The following DOCK3 variants were observed in gnomAD, a reference collection of about 807,000 sequenced individuals.
DOCK3 encodes the protein dedicator of cytokinesis protein 3.
Under a neutral mutation model 265.6 loss-of-function variants are expected in DOCK3, and 60 were observed. The ratio of observed to expected loss-of-function variants is 0.23; its 90% confidence interval spans 0.18 to 0.28. DOCK3 has a LOEUF of 0.28. Among genes scored for constraint, DOCK3 ranks in the 10% least tolerant of loss-of-function variants. The pLI, the probability that DOCK3 is intolerant of heterozygous loss-of-function variation, is 1.00. For synonymous variants in DOCK3, 881 were observed against 938.0 expected, an observed-to-expected ratio of 0.94 and a Z score of 1.11; for missense variants, 1,981 against 2,594.3, an observed-to-expected ratio of 0.76 and a Z score of 5.14.
At chr3:51,303,484 A>G (rs1200576020) in intron 27 of DOCK3, among the ~76,000 whole-genome samples, 1 of 152,178 alleles carries the variant, frequency 6.6e-6, no homozygotes, top group African/African-American at 2.4e-5. Flanking sequence ...TTGGAGGAGA[A>G]GAGACATTCT....
chr3:50,846,675 A>G (rs766278748), intron 3 of DOCK3, among the ~76,000 whole-genome samples: 2 of 152,080 alleles, frequency 1.3e-5, no homozygotes, highest in Non-Finnish European at 1.5e-5. Context: ...TACTGATTCA[A>G]TTTTTGAACT....
At chr3:50,684,978 C>T (rs2034679334) in intron 1 of DOCK3, among the ~76,000 whole-genome samples, 1 of 151,792 alleles carries the variant, frequency 6.6e-6, no homozygotes. Flanking sequence ...GTCTTATTTT[C>T]ATTACCCAGA....
At chr3:51,151,198 T>C (rs2085570634) in intron 10 of DOCK3, among the ~76,000 whole-genome samples, 1 of 152,152 alleles carries the variant, frequency 6.6e-6, no homozygotes, top group South Asian at 2.1e-4. Context: ...TTTGAGCCTA[T>C]GTATGTCTCT....
At chr3:51,132,806 G>A (rs2084615879) in intron 9 of DOCK3, among the ~76,000 whole-genome samples, 1 of 152,144 alleles carries the variant, frequency 6.6e-6, no homozygotes, top group Non-Finnish European at 1.5e-5. Flanking sequence ...GGGACATGGG[G>A]GAGGACCCTG....
intron 27 of DOCK3, among the ~76,000 whole-genome samples, chr3:51,287,829 A>G (rs1360378864): frequency 1.3e-5 from 2 of 152,222 alleles, no homozygotes; most frequent in Non-Finnish European, 2.9e-5. Flanking sequence ...AGACACATGC[A>G]CATGTATGTG....
In DOCK3 at chr3:50,797,708, A is replaced by G. The variant is rs548731563; in HGVS notation, c.121+18950A>G. Among the ~76,000 whole-genome samples, 14 of 152,304 alleles carry G rather than the reference A, an allele frequency of 9.2e-5. No homozygotes were observed. The South Asian group carries it at 2.7e-3, about 29-fold the overall frequency. Reference sequence around the variant, plus strand: ...TTGTTACTTTTGTCTTTTTGATGATAGCCATTTTAACTGGGGGTGAGATGA... The same window carrying G: ...TTGTTACTTTTGTCTTTTTGATGATGGCCATTTTAACTGGGGGTGAGATGA... On this transcript the variant is annotated intron_variant, in intron 2 of 52. Transcript: ENST00000266037.
At chr3:51,097,506 G>A (rs1040930532) in intron 9 of DOCK3, among the ~76,000 whole-genome samples, 10 of 152,172 alleles carry the variant, frequency 6.6e-5, no homozygotes, top group East Asian at 1.9e-4. Context: ...TGCTGGTAGC[G>A]AGAATTTCAA....
At chr3:50,817,976 G>T (rs1312183919) in intron 2 of DOCK3, among the ~76,000 whole-genome samples, 1 of 152,136 alleles carries the variant, frequency 6.6e-6, no homozygotes, top group African/African-American at 2.4e-5. Flanking sequence ...TAATCCTTCA[G>T]TATTATGCAT....
chr3:51,109,140 A>G (rs1168824022), intron 9 of DOCK3, among the ~76,000 whole-genome samples: 1 of 152,206 alleles, frequency 6.6e-6, no homozygotes, highest in Admixed American at 6.5e-5. Flanking sequence ...AACAATCATC[A>G]GCAAATACAA....
intron 5 of DOCK3, among the ~76,000 whole-genome samples, chr3:51,042,667 A>G (rs539435110): frequency 6.6e-6 from 1 of 152,334 alleles, no homozygotes; most frequent in South Asian, 2.1e-4. Flanking sequence ...CTGTTTGCAG[A>G]TGACATGATT....
chr3:51,245,192 G>C (rs1380149150), intron 21 of DOCK3, among the ~76,000 whole-genome samples: 1 of 151,942 alleles, frequency 6.6e-6, no homozygotes, highest in Non-Finnish European at 1.5e-5. Context: ...AGCCATGCAT[G>C]GTGCTGCATC....
chr3:50,795,055 T>C (rs758041274), intron 2 of DOCK3, among the ~76,000 whole-genome samples: 51 of 152,288 alleles, frequency 3.3e-4, no homozygotes, highest in Non-Finnish European at 6.3e-4. Context: ...ATATGGAATA[T>C]TGGCCCCCAA....
At chr3:50,717,766 G>A (rs2037214364) in intron 1 of DOCK3, among the ~76,000 whole-genome samples, 1 of 152,060 alleles carries the variant, frequency 6.6e-6, no homozygotes, top group Admixed American at 6.5e-5. Context: ...GGGATTACAG[G>A]CATGCGCCAC....
intron 3 of DOCK3, among the ~76,000 whole-genome samples, chr3:50,868,927 G>T (rs867083613): frequency 0.055 from 1,053 of 19,270 alleles, 12 homozygotes; most frequent in Non-Finnish European, 0.068. Flanking sequence ...TTTTTTTTTT[G>T]GTCTGACTAA....
intron 3 of DOCK3, among the ~76,000 whole-genome samples, chr3:50,887,723 T>C (rs1242577963): frequency 6.2e-5 from 8 of 129,764 alleles, no homozygotes; most frequent in Non-Finnish European, 9.6e-5. Flanking sequence ...CACAAATCAA[T>C]AAACATAATC....
intron 3 of DOCK3, among the ~76,000 whole-genome samples, chr3:50,858,615 CA>C (rs2046744225): frequency 6.6e-6 from 1 of 151,944 alleles, no homozygotes; most frequent in Non-Finnish European, 1.5e-5. Flanking sequence ...GAAAATCTGA[CA>C]GTTATGTGTC....
chr3:50,873,373 C>G (rs1166066731), intron 3 of DOCK3, among the ~76,000 whole-genome samples: 1 of 152,130 alleles, frequency 6.6e-6, no homozygotes, highest in Non-Finnish European at 1.5e-5. Context: ...GACCTCACGA[C>G]TCTGAGCAGT....
At chr3:51,293,899 A>T (rs1363144949) in intron 27 of DOCK3, among the ~76,000 whole-genome samples, 10 of 152,356 alleles carry the variant, frequency 6.6e-5, no homozygotes. Flanking sequence ...CCACAGTGAG[A>T]TATCACGTCA....
At chr3:50,900,868 C>T in intron 4 of DOCK3, 1 of 420,690 alleles carries the variant, frequency 2.4e-6, no homozygotes, top group Non-Finnish European at 4.7e-6. Flanking sequence ...GAGGGGCACC[C>T]ACCAGATGCC....
Sources: allele counts gnomAD v4.1 joint callset (sites outside exome capture counted in the v4.1 genomes callset), GRCh38; gene constraint gnomAD v4.1.1; transcripts MANE v1.5; gene names NCBI Gene and HGNC (gene_info 2026-07-23, HGNC 2026-07-21).